ATRNL1: variants seen among roughly 807,000 people sequenced by gnomAD.
The protein encoded by ATRNL1 is attractin like 1.
In ATRNL1, 95 loss-of-function variants were observed where a neutral mutation model predicts 182.7. That is an observed-to-expected ratio of 0.52 (90% CI 0.44 to 0.62). The LOEUF (loss-of-function observed/expected upper bound fraction) is 0.62, where lower values mean the gene tolerates loss of function less well. Among genes scored for constraint, ATRNL1 ranks in the 20% least tolerant of loss-of-function variants. The pLI, the probability that ATRNL1 is intolerant of heterozygous loss-of-function variation, is 0.00. For synonymous variants in ATRNL1, 576 were observed against 568.3 expected (o/e 1.01, Z -0.19); for missense variants, 1,471 against 1,679.5 (o/e 0.88, Z 2.17).
rs979886504 is a variant in ATRNL1 at position 115,941,240 on chromosome 10, G to A, written c.4019-3418G>A. Among the ~76,000 whole-genome samples, 6 of 152,278 alleles carry A rather than the reference G, an allele frequency of 3.9e-5. No individual in the cohort carries two copies. In the Middle Eastern group the frequency reaches 0.01, roughly 259 times the overall value. On this transcript the variant is annotated intron_variant, in intron 28 of 28. Transcript: ENST00000355044. ...CAAAAAGCTGTCAAATTAAAAATAAGCATGATTTGCAATTTTATTTGTAAA... is the reference window on the plus strand; with the variant it reads ...CAAAAAGCTGTCAAATTAAAAATAAACATGATTTGCAATTTTATTTGTAAA...
intron 27 of ATRNL1, among the ~76,000 whole-genome samples, chr10:115,808,948 C>A (rs1459261962): frequency 2.0e-5 from 3 of 151,994 alleles, no homozygotes; most frequent in Non-Finnish European, 2.9e-5. Flanking sequence ...ATGCTTCCTT[C>A]TAGGAGTTTT....
At chr10:115,438,875 T>A (rs542169325) in intron 21 of ATRNL1, among the ~76,000 whole-genome samples, 1 of 151,906 alleles carries the variant, frequency 6.6e-6, no homozygotes, top group South Asian at 2.1e-4. Context: ...CAGTTGACCC[T>A]TGAACCCCCT....
intron 27 of ATRNL1, among the ~76,000 whole-genome samples, chr10:115,835,757 T>G (rs782506025): frequency 6.6e-5 from 10 of 152,182 alleles, no homozygotes; most frequent in Non-Finnish European, 1.3e-4. Flanking sequence ...AGCAGAGTCC[T>G]TCTCCAGAAA....
intron 27 of ATRNL1, among the ~76,000 whole-genome samples, chr10:115,786,117 C>T (rs1949390962): frequency 6.6e-6 from 1 of 152,116 alleles, no homozygotes; most frequent in African/African-American, 2.4e-5. Flanking sequence ...ACCAAAATCA[C>T]CTTTAACATT....
At chr10:115,760,365 A>G (rs1948704972) in intron 27 of ATRNL1, among the ~76,000 whole-genome samples, 1 of 152,118 alleles carries the variant, frequency 6.6e-6, no homozygotes, top group Non-Finnish European at 1.5e-5. Flanking sequence ...AAGACAGCAG[A>G]TGAATGAAAA....
chr10:115,354,240 T>C (rs1312296388), intron 19 of ATRNL1, among the ~76,000 whole-genome samples: 1 of 152,196 alleles, frequency 6.6e-6, no homozygotes, highest in Non-Finnish European at 1.5e-5. Flanking sequence ...GTATTCTGAA[T>C]TTGTCTTTGT....
intron 13 of ATRNL1, among the ~76,000 whole-genome samples, chr10:115,277,568 A>G: frequency 6.6e-6 from 1 of 152,130 alleles, no homozygotes; most frequent in East Asian, 1.9e-4. Flanking sequence ...AGGTATTTAT[A>G]CCTATAGTCA....
intron 21 of ATRNL1, among the ~76,000 whole-genome samples, chr10:115,440,020 G>A (rs12358482): frequency 0.017 from 2,639 of 151,474 alleles, 33 homozygotes; most frequent in Middle Eastern, 0.031. Flanking sequence ...ATTTATATCG[G>A]TATGAACTCA....
chr10:115,378,928 C>T (rs782702073), intron 19 of ATRNL1, among the ~76,000 whole-genome samples: 3 of 152,070 alleles, frequency 2.0e-5, no homozygotes, highest in Non-Finnish European at 4.4e-5. Flanking sequence ...GATGATGATG[C>T]AAGCAAGGAA....
intron 20 of ATRNL1, among the ~76,000 whole-genome samples, chr10:115,420,329 C>A (rs1845594520): frequency 6.6e-6 from 1 of 152,076 alleles, no homozygotes; most frequent in South Asian, 2.1e-4. Context: ...CAGGCATGAG[C>A]CATGGCGGCC....
chr10:115,157,751 C>T (rs1210981357), intron 5 of ATRNL1, among the ~76,000 whole-genome samples: 7 of 152,084 alleles, frequency 4.6e-5, no homozygotes, highest in Admixed American at 4.6e-4. Context: ...TGTAAAGTTC[C>T]TTTTGCCATA....
intron 26 of ATRNL1, among the ~76,000 whole-genome samples, chr10:115,717,073 G>A (rs1353776847): frequency 1.3e-5 from 2 of 152,010 alleles, no homozygotes; most frequent in Non-Finnish European, 2.9e-5. Context: ...ATTTTGATTT[G>A]CTCAGATAAA....
At chr10:115,707,501 A>G (rs1399971786) in intron 26 of ATRNL1, among the ~76,000 whole-genome samples, 4 of 151,492 alleles carry the variant, frequency 2.6e-5, no homozygotes, top group African/African-American at 9.7e-5. Flanking sequence ...GCCCTCCCCT[A>G]TTCCATCTCC....
At chr10:115,613,142 T>C (rs1228792275) in intron 26 of ATRNL1, among the ~76,000 whole-genome samples, 1 of 152,244 alleles carries the variant, frequency 6.6e-6, no homozygotes, top group Non-Finnish European at 1.5e-5. Context: ...AAGTTCCATT[T>C]TGTTAGTTCC....
chr10:115,312,329 G>A (rs34373737), intron 17 of ATRNL1, among the ~76,000 whole-genome samples: 46,162 of 151,960 alleles, frequency 0.3, 8,173 homozygotes, highest in Middle Eastern at 0.44. Context: ...GCATTTGCTT[G>A]TCTGAAAAGG....
At chr10:115,453,210 C>A (rs985404561) in intron 21 of ATRNL1, among the ~76,000 whole-genome samples, 1 of 151,998 alleles carries the variant, frequency 6.6e-6, no homozygotes, top group Non-Finnish European at 1.5e-5. Flanking sequence ...TCTGTATATA[C>A]CTAAAAGTGG....
At chr10:115,567,882 C>G (rs1555002352) in intron 26 of ATRNL1, among the ~76,000 whole-genome samples, 1 of 152,014 alleles carries the variant, frequency 6.6e-6, no homozygotes, top group African/African-American at 2.4e-5. Context: ...TCTATGATCT[C>G]TTTTTGTTTA....
intron 19 of ATRNL1, among the ~76,000 whole-genome samples, chr10:115,338,392 A>G (rs781947227): frequency 4.6e-5 from 7 of 152,154 alleles, no homozygotes; most frequent in Non-Finnish European, 1.0e-4. Context: ...CATCCTCACA[A>G]ACATTTGTTA....
At chr10:115,397,258 G>A in intron 20 of ATRNL1, among the ~76,000 whole-genome samples, 1 of 151,940 alleles carries the variant, frequency 6.6e-6, no homozygotes, top group East Asian at 1.9e-4. Context: ...CAGACTAGCA[G>A]TGAAGACACT....
Sources: gnomAD v4.1 joint callset for allele counts (sites outside exome capture counted in the v4.1 genomes callset) on GRCh38, gnomAD v4.1.1 for gene constraint, MANE v1.5 for transcripts, NCBI Gene and HGNC (gene_info 2026-07-23, HGNC 2026-07-21) for gene names.